Variants in SIAH3 observed in about 807,000 individuals in gnomAD.
SIAH3 encodes siah E3 ubiquitin protein ligase family member 3.
In SIAH3, 9 loss-of-function variants were observed where a neutral mutation model predicts 12.6. That is an observed-to-expected ratio of 0.72 (90% CI 0.43 to 1.25). The LOEUF is 1.25. Among genes scored for constraint, SIAH3 ranks in the 50% most tolerant of loss-of-function variants. The pLI is 0.00. For missense variants in SIAH3, 390 were observed against 365.4 expected, an observed-to-expected ratio of 1.07 and a Z score of -0.55; for synonymous variants, 154 against 151.1, an observed-to-expected ratio of 1.02 and a Z score of -0.14.
chr13:45,829,478 G>A (rs1461217407), intron 1 of SIAH3, among the ~76,000 whole-genome samples: 1 of 152,100 alleles, frequency 6.6e-6, no homozygotes, highest in African/African-American at 2.4e-5. Flanking sequence ...GCATGGTGGT[G>A]TCAACCTTTA....
At chr13:45,801,296 AG>A (rs1950581687) in intron 1 of SIAH3, among the ~76,000 whole-genome samples, 1 of 152,208 alleles carries the variant, frequency 6.6e-6, no homozygotes, top group Admixed American at 6.5e-5. Context: ...GAAACAATAG[AG>A]GAACTCTGGA....
chr13:45,845,189 T>G (rs1950754486), intron 1 of SIAH3, among the ~76,000 whole-genome samples: 1 of 69,390 alleles, frequency 1.4e-5, no homozygotes, highest in Non-Finnish European at 3.7e-5. Flanking sequence ...TTTTATGCAT[T>G]TTTTTTTTTT....
At chr13:45,829,538 G>T (rs543931663) in intron 1 of SIAH3, among the ~76,000 whole-genome samples, 4 of 152,232 alleles carry the variant, frequency 2.6e-5, no homozygotes, top group South Asian at 4.2e-4. Flanking sequence ...GAGCCCAAAA[G>T]GTCAAGGCTG....
rs755151857 is a variant in SIAH3, at chr13:45,783,479, GT to G, written c.713del (p.Asn238ThrfsTer73). The G allele has an allele frequency of 1.9e-6, 3 of 1,614,162 alleles. No homozygotes were observed. The East Asian group carries it at 6.7e-5, about 36-fold the overall frequency. On this transcript the variant is annotated frameshift_variant, in exon 2 of 2. Transcript: ENST00000400405. LOFTEE classifies it high-confidence loss of function. Reference protein sequence around the residue: ...VITDGDCLVLNTSLAQLFSDN... With the variant: ...VITDGDCLVLXTSLAQLFSDN... ...CAGAGAAGAGCTGTGCCAGCGAGGT[GT>G]TGAGGACGAGGCAGTCCCCGTCCGT...
At chr13:45,792,360 AT>A (rs35546034) in intron 1 of SIAH3, among the ~76,000 whole-genome samples, 53 of 145,842 alleles carry the variant, frequency 3.6e-4, no homozygotes, top group East Asian at 3.4e-3. Context: ...GAAGGTATAA[AT>A]TTTTTTTTTT....
intron 1 of SIAH3, among the ~76,000 whole-genome samples, chr13:45,810,506 G>A (rs2137563756): frequency 6.6e-6 from 1 of 152,288 alleles, no homozygotes; most frequent in South Asian, 2.1e-4. Context: ...TCTGGAATTG[G>A]AGAAAATCAC....
intron 1 of SIAH3, among the ~76,000 whole-genome samples, chr13:45,784,784 G>C (rs1950522323): frequency 6.6e-6 from 1 of 152,182 alleles, no homozygotes; most frequent in Non-Finnish European, 1.5e-5. Flanking sequence ...CCCATCATCT[G>C]TTCCTCATGG....
intron 1 of SIAH3, among the ~76,000 whole-genome samples, chr13:45,800,209 T>G (rs1384359414): frequency 1.3e-5 from 2 of 152,232 alleles, no homozygotes; most frequent in Non-Finnish European, 2.9e-5. Context: ...GCCTAAATAT[T>G]GCACTTGTAG....
intron 1 of SIAH3, 75 bp downstream of exon 1, chr13:45,851,420 C>T (rs1950781332): frequency 1.9e-6 from 3 of 1,591,346 alleles, no homozygotes; most frequent in African/African-American, 2.7e-5. Context: ...CACACGTTCG[C>T]CGGAGGGTCG....
chr13:45,820,835 C>T (rs747722769), intron 1 of SIAH3, among the ~76,000 whole-genome samples: 26 of 152,296 alleles, frequency 1.7e-4, no homozygotes, highest in Middle Eastern at 6.8e-3. Context: ...CTTCCTGCTG[C>T]GTTACTGACT....
chr13:45,825,371 G>A (rs1380494275), intron 1 of SIAH3, among the ~76,000 whole-genome samples: 1 of 152,072 alleles, frequency 6.6e-6, no homozygotes, highest in Non-Finnish European at 1.5e-5. Flanking sequence ...TCATTATCTC[G>A]ACTCTGGGAG....
intron 1 of SIAH3, among the ~76,000 whole-genome samples, chr13:45,838,482 G>T (rs1360834849): frequency 6.6e-6 from 1 of 152,136 alleles, no homozygotes; most frequent in African/African-American, 2.4e-5. Flanking sequence ...TTACAGGGAG[G>T]CTCGCACAGG....
Position 45,783,299 on chromosome 13 carries a change from A to G in SIAH3, c.*84T>C, listed in dbSNP as rs1223297325. On this transcript the variant is annotated 3_prime_UTR_variant, in exon 2 of 2. Coordinates refer to ENST00000400405, the MANE Select transcript of SIAH3 (RefSeq NM_198849.3). ...AAAAAAAAAAAGAAAGGAGAAGAATAAAAAGGAGTCTGGAGTCCTGGTATT... is the reference window on the plus strand; with the variant it reads ...AAAAAAAAAAAGAAAGGAGAAGAATGAAAAGGAGTCTGGAGTCCTGGTATT... 92 of 971,470 alleles carry G rather than the reference A, an allele frequency of 9.5e-5. No individual in the cohort carries two copies. Among genetic ancestry groups the G allele is most frequent in the Non-Finnish European group, 1.3e-4 (88 of 687,438 alleles). 60.2% of individuals were successfully genotyped at this position (971,470 alleles called of 1,614,324 possible).
chr13:45,822,556 T>TATATATATA (rs58735572), intron 1 of SIAH3, among the ~76,000 whole-genome samples: 358 of 136,658 alleles, frequency 2.6e-3, no homozygotes, highest in South Asian at 4.1e-3. Flanking sequence ...TATATATATA[T>TATATATATA]TAGACTAGGG....
intron 1 of SIAH3, among the ~76,000 whole-genome samples, chr13:45,808,241 A>G (rs1034206805): frequency 6.6e-6 from 1 of 151,702 alleles, no homozygotes; most frequent in Non-Finnish European, 1.5e-5. Context: ...TATACCTAAA[A>G]GTGTCCTGGT....
intron 1 of SIAH3, among the ~76,000 whole-genome samples, chr13:45,830,305 G>A (rs1225673979): frequency 6.6e-6 from 1 of 152,068 alleles, no homozygotes; most frequent in African/African-American, 2.4e-5. Context: ...TACCTGTCAG[G>A]GGCATGCATG....
rs1031386824 is a variant in SIAH3, at chr13:45,778,891, G to C, written c.*4492C>G. ...GTAGGTTATATACAAATACTATGCC[G>C]TTTTATATAAGGGACTTGAGCATCT... On this transcript the variant is annotated 3_prime_UTR_variant, in exon 2 of 2. Transcript: ENST00000400405. 1.3e-5 allele frequency: 2 copies of C among 152,178 alleles called. No homozygotes were observed. The highest frequency in any genetic ancestry group is 6.5e-5 in the Admixed American group (1 of 15,272). The allele number at this position is 152,178 out of a possible 1,614,324, so 9.4% of individuals were successfully genotyped here. A position where few individuals can be genotyped will look rare whatever the true frequency, so the allele number is the denominator to read the frequency against.
intron 1 of SIAH3, among the ~76,000 whole-genome samples, chr13:45,813,149 T>G (rs973100008): frequency 3.3e-5 from 5 of 151,528 alleles, no homozygotes; most frequent in Non-Finnish European, 7.4e-5. Context: ...GGTGAGCCTG[T>G]GTCAGTACTG....
rs192024546 is a variant in SIAH3 at position 45,826,845 on chromosome 13, C to T, written c.135+24650G>A. Reference sequence around the variant, plus strand: ...GTTGCAGAGGCTGGCACCCCTCCAACATTCTGGGGTGACAAACATTTCCAG... The same window carrying T: ...GTTGCAGAGGCTGGCACCCCTCCAATATTCTGGGGTGACAAACATTTCCAG... On this transcript the variant is annotated intron_variant, in intron 1 of 1. Transcript: ENST00000400405. Among the ~76,000 whole-genome samples, 796 of 152,202 alleles carry T rather than the reference C, an allele frequency of 5.2e-3. 9 individuals carry two copies. The highest frequency in any genetic ancestry group is 8.1e-3 in the Non-Finnish European group (548 of 68,008).
Sources: allele counts gnomAD v4.1 joint callset (sites outside exome capture counted in the v4.1 genomes callset), GRCh38; gene constraint gnomAD v4.1.1; transcripts MANE v1.5; gene names NCBI Gene and HGNC (gene_info 2026-07-23, HGNC 2026-07-21).